Variants in LRFN5 observed in about 807,000 individuals in gnomAD.
LRFN5 encodes leucine-rich repeat and fibronectin type-III domain-containing protein 5.
Under a neutral mutation model 45.6 loss-of-function variants are expected in LRFN5, and 24 were observed. The observed-to-expected ratio is 0.53, with a 90% confidence interval of 0.38 to 0.74. LRFN5 has a LOEUF of 0.74. Ranked by LOEUF, LRFN5 falls within the 30% of genes least tolerant of loss-of-function variation. The probability of loss-of-function intolerance (pLI) is 0.00; values close to 1 mark genes in which losing one functional copy is unlikely to be tolerated. For synonymous variants in LRFN5, 340 were observed against 313.8 expected, an observed-to-expected ratio of 1.08 and a Z score of -0.88; for missense variants, 776 against 861.5, an observed-to-expected ratio of 0.90 and a Z score of 1.24.
intron 2 of LRFN5, among the ~76,000 whole-genome samples, chr14:41,816,998 G>GTTTTTT (rs200326943): frequency 1.5e-5 from 2 of 129,998 alleles, no homozygotes; most frequent in Non-Finnish European, 3.2e-5. Flanking sequence ...AATGTGGGAA[G>GTTTTTT]TTTTTTTTTT....
chr14:41,653,407 A>G (rs1217258639), intron 1 of LRFN5, among the ~76,000 whole-genome samples: 1 of 152,140 alleles, frequency 6.6e-6, no homozygotes, highest in African/African-American at 2.4e-5. Context: ...AGCACCATTT[A>G]TTAAATAGAG....
intron 1 of LRFN5, among the ~76,000 whole-genome samples, chr14:41,721,839 G>C (rs1883727632): frequency 6.6e-6 from 1 of 152,110 alleles, no homozygotes; most frequent in Non-Finnish European, 1.5e-5. Context: ...TGGGGACTAT[G>C]TGTCTTGGTG....
At chr14:41,689,325 C>T (rs905457134) in intron 1 of LRFN5, among the ~76,000 whole-genome samples, 18 of 151,942 alleles carry the variant, frequency 1.2e-4, no homozygotes, top group Non-Finnish European at 2.5e-4. Context: ...TTTGGTTCTT[C>T]GAAAAGATTA....
intron 2 of LRFN5, among the ~76,000 whole-genome samples, chr14:41,782,378 C>G (rs538811994): frequency 2.6e-5 from 4 of 152,098 alleles, no homozygotes; most frequent in African/African-American, 7.2e-5. Context: ...TTTACTCTTT[C>G]TTTTGATTCT....
intron 2 of LRFN5, among the ~76,000 whole-genome samples, chr14:41,806,516 A>G (rs551433676): frequency 2.6e-5 from 4 of 152,180 alleles, no homozygotes; most frequent in Admixed American, 6.5e-5. Context: ...TTGAGTAACT[A>G]AAAGCTTTGC....
At chr14:41,783,835 A>T (rs536429280) in intron 2 of LRFN5, among the ~76,000 whole-genome samples, 1 of 152,246 alleles carries the variant, frequency 6.6e-6, no homozygotes, top group Non-Finnish European at 1.5e-5. Context: ...TTAGTTTCAT[A>T]ATGGTGATTT....
chr14:41,862,825 A>G (rs1256633319), intron 2 of LRFN5, among the ~76,000 whole-genome samples: 10 of 149,976 alleles, frequency 6.7e-5, no homozygotes. Flanking sequence ...TTGGCTTTTA[A>G]TAATCACTTT....
chr14:41,727,244 A>T (rs568343903), intron 1 of LRFN5, among the ~76,000 whole-genome samples: 3 of 152,314 alleles, frequency 2.0e-5, no homozygotes, highest in East Asian at 1.9e-4. Flanking sequence ...TTTACTGGTA[A>T]CTATCTTAAA....
At chr14:41,830,091 G>T (rs1888429785) in intron 2 of LRFN5, among the ~76,000 whole-genome samples, 1 of 150,876 alleles carries the variant, frequency 6.6e-6, no homozygotes, top group African/African-American at 2.4e-5. Flanking sequence ...TTTTATTTCA[G>T]ATCATACAAT....
At chr14:41,730,608 G>A (rs1370430593) in intron 1 of LRFN5, among the ~76,000 whole-genome samples, 1 of 151,766 alleles carries the variant, frequency 6.6e-6, no homozygotes, top group Admixed American at 6.6e-5. Context: ...AGTTTTGTAC[G>A]TTAACACATA....
chr14:41,839,091 A>G (rs1219216098), intron 2 of LRFN5, among the ~76,000 whole-genome samples: 6 of 152,148 alleles, frequency 3.9e-5, no homozygotes, highest in Non-Finnish European at 8.8e-5. Context: ...GAGATAGTGT[A>G]TTCTACCTAC....
At chr14:41,793,156 A>G (rs948678302) in intron 2 of LRFN5, among the ~76,000 whole-genome samples, 2 of 152,074 alleles carry the variant, frequency 1.3e-5, no homozygotes, top group African/African-American at 2.4e-5. Flanking sequence ...AATTAAAAAA[A>G]AAAGAAAAAA....
rs571371833 is a variant in LRFN5, at chr14:41,681,725, G to C, written c.-197+73163G>C. Among the ~76,000 whole-genome samples, 7 of 151,732 alleles carry C rather than the reference G, an allele frequency of 4.6e-5. No individual in the cohort carries two copies. The South Asian group carries it at 8.3e-4, about 18-fold the overall frequency. On this transcript the variant is annotated intron_variant, in intron 1 of 5. Transcript: ENST00000298119. ...GTACAAGACTCACTAGTAAAAGTTA[G>C]TACACAGGATAACACAGAATATTAT...
At chr14:41,808,197 GGGAAGGAAGGAAGGAAGGAA>G (rs141262386) in intron 2 of LRFN5, among the ~76,000 whole-genome samples, 37 of 101,114 alleles carry the variant, frequency 3.7e-4, no homozygotes, top group African/African-American at 1.4e-3. Flanking sequence ...AGGAAGTAGA[GGGAAGGAAGGAAGGAAGGAA>G]GGAAGGAAGG....
At position 41,891,621 on chromosome 14, in the gene LRFN5, C is replaced by T. The variant is rs1403653964; in HGVS notation, c.1757C>T (p.Pro586Leu). The T allele has an allele frequency of 6.2e-7, 1 of 1,613,990 alleles. No homozygotes were observed. Among genetic ancestry groups the T allele is most frequent in the Non-Finnish European group, 8.5e-7 (1 of 1,180,028 alleles). Residue 586 changes from proline (P) to leucine (L), a missense_variant, in exon 4 of 6, where the codon CCC (proline) becomes CTC (leucine). Pro to Leu is a moderately conservative substitution (Grantham distance 98). This residue lies in a region of LRFN5 where 465 missense variants were observed against 456.4 expected (regional missense o/e 1.02). Transcript: ENST00000298119. The stretch of plus-strand genomic sequence containing the variant: ...ATACAAGGCTGTAGTGTAACGCTGC[C>T]CCAGTCCGTGTCCAAACAAGCTGTG... ...AQIQGCSVTLPQSVSKQAVGH... is the reference protein window; with the variant it reads ...AQIQGCSVTLLQSVSKQAVGH...
At chr14:41,776,821 T>G (rs1175517236) in intron 2 of LRFN5, among the ~76,000 whole-genome samples, 12 of 152,132 alleles carry the variant, frequency 7.9e-5, no homozygotes, top group African/African-American at 2.9e-4. Context: ...TTCCTAGGCA[T>G]TCTTTAGTAT....
intron 1 of LRFN5, among the ~76,000 whole-genome samples, chr14:41,709,442 A>T (rs1312640354): frequency 6.6e-6 from 1 of 152,064 alleles, no homozygotes; most frequent in African/African-American, 2.4e-5. Context: ...CTCATTTTTC[A>T]CACTGTTTAT....
rs1350535356 is a variant in LRFN5, at chr14:41,607,987, C to G, written c.-772C>G. Reference sequence around the variant, plus strand: ...TGCTTAACAAAATCCCCGACTCTTCCTCAGCCCTTTCTCGGCTCCCTCCTC... The same window carrying G: ...TGCTTAACAAAATCCCCGACTCTTCGTCAGCCCTTTCTCGGCTCCCTCCTC... On this transcript the variant is annotated 5_prime_UTR_variant, in exon 1 of 6. Coordinates refer to ENST00000298119, the MANE Select transcript of LRFN5 (RefSeq NM_152447.5). The G allele has an allele frequency of 2.0e-5, 3 of 152,242 alleles. No homozygotes were observed. The highest frequency in any genetic ancestry group is 4.4e-5 in the Non-Finnish European group (3 of 68,066). The allele number at this position is 152,242 out of a possible 1,614,324, so 9.4% of individuals were successfully genotyped here.
chr14:41,855,582 A>C (rs1889423612), intron 2 of LRFN5, among the ~76,000 whole-genome samples: 1 of 152,168 alleles, frequency 6.6e-6, no homozygotes. Flanking sequence ...AAATATAACT[A>C]AATATTTTAG....
Sources: gnomAD v4.1 joint callset for allele counts (sites outside exome capture counted in the v4.1 genomes callset) on GRCh38, gnomAD v4.1.1 for gene constraint, gnomAD v4.1.1 regional missense constraint, MANE v1.5 for transcripts, NCBI Gene and HGNC (gene_info 2026-07-23, HGNC 2026-07-21) for gene names.